The following LRRC4C variants were observed in gnomAD, a reference collection of about 807,000 sequenced individuals.
The protein encoded by LRRC4C is leucine-rich repeat-containing protein 4C.
A neutral mutation model predicts 33.6 loss-of-function variants in LRRC4C; 5 were observed. The observed-to-expected ratio is 0.15, with a 90% confidence interval of 0.08 to 0.31. LRRC4C has a LOEUF of 0.31. Among genes scored for constraint, LRRC4C ranks in the 10% least tolerant of loss-of-function variants. The probability of loss-of-function intolerance (pLI) is 1.00; values close to 1 mark genes in which losing one functional copy is unlikely to be tolerated. For missense variants in LRRC4C, 560 were observed against 796.7 expected (o/e 0.70, Z 3.58); for synonymous variants, 329 against 302.0 (o/e 1.09, Z -0.93).
chr11:40,670,198 G>A (rs960966295), intron 2 of LRRC4C, among the ~76,000 whole-genome samples: 1 of 152,046 alleles, frequency 6.6e-6, no homozygotes, highest in East Asian at 1.9e-4. Context: ...TGAAGTCTGG[G>A]GTATCCTATC....
rs549602114 is a variant in LRRC4C, at chr11:41,062,176, C to T, written c.-495-128453G>A. 8.5e-5 allele frequency among the ~76,000 whole-genome samples: 13 copies of T among 152,308 alleles called. No homozygotes were observed. In the East Asian group the frequency reaches 2.5e-3, roughly 29 times the overall value. ...ACCTGTGCCATGGAGGTTTGTTGTA[C>T]AGATTATTTCATCACCCAGGTATTA... is the stretch of plus-strand genomic sequence containing the variant. On this transcript the variant is annotated intron_variant, in intron 1 of 6. Transcript: ENST00000528697.
chr11:40,704,006 G>A (rs975535130), intron 2 of LRRC4C, among the ~76,000 whole-genome samples: 25 of 152,150 alleles, frequency 1.6e-4, no homozygotes, highest in African/African-American at 5.8e-4. Flanking sequence ...TGCATTCTCA[G>A]ATTCAACCAA....
At chr11:40,721,426 T>C (rs1015870648) in intron 2 of LRRC4C, among the ~76,000 whole-genome samples, 1 of 152,198 alleles carries the variant, frequency 6.6e-6, no homozygotes, top group Non-Finnish European at 1.5e-5. Context: ...CTGTGAGAAG[T>C]AAATGTTTGT....
At chr11:40,447,171 CA>C (rs1951675943) in intron 3 of LRRC4C, 1 of 161,294 alleles carries the variant, frequency 6.2e-6, no homozygotes, top group Non-Finnish European at 1.4e-5. Context: ...CATTTCCCCT[CA>C]ACTCAAGTCA....
chr11:40,869,851 T>A (rs909569704), intron 2 of LRRC4C, among the ~76,000 whole-genome samples: 2 of 152,160 alleles, frequency 1.3e-5, no homozygotes, highest in East Asian at 3.9e-4. Flanking sequence ...TTTGTGTTAT[T>A]CCTGCTCTGA....
chr11:41,018,792 C>T (rs1473658557), intron 1 of LRRC4C, among the ~76,000 whole-genome samples: 2 of 152,056 alleles, frequency 1.3e-5, no homozygotes, highest in Admixed American at 6.6e-5. Context: ...GTGGTGAATG[C>T]TAGGAGCTTG....
chr11:40,271,418 T>C, intron 4 of LRRC4C, among the ~76,000 whole-genome samples: 1 of 152,296 alleles, frequency 6.6e-6, no homozygotes, highest in Middle Eastern at 3.4e-3. Context: ...AAAGGTAAAG[T>C]TCTTCCCTTC....
chr11:40,530,380 G>A (rs561237820), intron 3 of LRRC4C, among the ~76,000 whole-genome samples: 1 of 152,128 alleles, frequency 6.6e-6, no homozygotes, highest in South Asian at 2.1e-4. Flanking sequence ...TTACAGTCAG[G>A]AAGATGAGAT....
chr11:41,406,751 C>CAT (rs1491151163), intron 1 of LRRC4C, among the ~76,000 whole-genome samples: 12 of 146,866 alleles, frequency 8.2e-5, no homozygotes, highest in African/African-American at 3.0e-4. Flanking sequence ...CACACACACA[C>CAT]GCACCCTTAA....
chr11:40,781,267 T>C (rs1003839900), intron 2 of LRRC4C, among the ~76,000 whole-genome samples: 6 of 152,180 alleles, frequency 3.9e-5, no homozygotes, highest in African/African-American at 1.2e-4. Flanking sequence ...CAGTCTGTCA[T>C]TGACCAAAAT....
chr11:41,192,978 A>C (rs1004828604), intron 1 of LRRC4C, among the ~76,000 whole-genome samples: 4 of 152,044 alleles, frequency 2.6e-5, no homozygotes, highest in Non-Finnish European at 5.9e-5. Flanking sequence ...CCTACTCTGG[A>C]AAAAAATGCC....
chr11:40,795,377 A>C (rs1412245270), intron 2 of LRRC4C, among the ~76,000 whole-genome samples: 1 of 152,152 alleles, frequency 6.6e-6, no homozygotes, highest in East Asian at 1.9e-4. Flanking sequence ...AAATACAAAA[A>C]AAATTAGCCA....
At chr11:40,938,691 A>G (rs560351207) in intron 1 of LRRC4C, among the ~76,000 whole-genome samples, 2 of 152,326 alleles carry the variant, frequency 1.3e-5, no homozygotes, top group South Asian at 4.1e-4. Flanking sequence ...GGTCCAGGTC[A>G]TAGCTGAATA....
At chr11:41,432,201 T>C (rs1590260967) in intron 1 of LRRC4C, among the ~76,000 whole-genome samples, 2 of 152,338 alleles carry the variant, frequency 1.3e-5, no homozygotes, top group East Asian at 3.9e-4. Context: ...TGGGTATTGC[T>C]TCAGGATTCT....
At chr11:40,985,197 A>G (rs1440423591) in intron 1 of LRRC4C, among the ~76,000 whole-genome samples, 1 of 152,018 alleles carries the variant, frequency 6.6e-6, no homozygotes, top group Admixed American at 6.6e-5. Flanking sequence ...CAGTTTCATC[A>G]CTATTGTCTT....
At chr11:40,529,789 C>A (rs889208851) in intron 3 of LRRC4C, among the ~76,000 whole-genome samples, 5 of 152,054 alleles carry the variant, frequency 3.3e-5, no homozygotes, top group African/African-American at 1.2e-4. Flanking sequence ...TCTAGTAACT[C>A]TATGTTGATC....
At chr11:41,086,644 G>A (rs2135519142) in intron 1 of LRRC4C, among the ~76,000 whole-genome samples, 1 of 151,960 alleles carries the variant, frequency 6.6e-6, no homozygotes, top group East Asian at 1.9e-4. Flanking sequence ...TCTTTTCTTT[G>A]TGCTTTCTTA....
At chr11:40,250,623 C>G (rs1866714824) in intron 4 of LRRC4C, among the ~76,000 whole-genome samples, 1 of 151,940 alleles carries the variant, frequency 6.6e-6, no homozygotes. Context: ...GCCTGTAACC[C>G]AACTACTCGG....
chr11:40,917,948 A>C (rs764406560), intron 2 of LRRC4C, among the ~76,000 whole-genome samples: 6 of 152,184 alleles, frequency 3.9e-5, no homozygotes, highest in Non-Finnish European at 7.3e-5. Context: ...CATCCTTTGC[A>C]TATCAAAACT....
Sources: gnomAD v4.1 joint callset for allele counts (sites outside exome capture counted in the v4.1 genomes callset) on GRCh38, gnomAD v4.1.1 for gene constraint, MANE v1.5 for transcripts, NCBI Gene and HGNC (gene_info 2026-07-23, HGNC 2026-07-21) for gene names.